DOK3: variants seen among roughly 807,000 people sequenced by gnomAD.
DOK3 encodes the protein Dok-like protein.
Under a neutral mutation model 26.2 loss-of-function variants are expected in DOK3, and 23 were observed. That is an observed-to-expected ratio of 0.88 (90% CI 0.63 to 1.24). The LOEUF is 1.24. Ranked by LOEUF, DOK3 falls within the 50% of genes most tolerant of loss-of-function variation. The pLI is 0.00. For synonymous variants in DOK3, 268 were observed against 268.2 expected (o/e 1.00, Z 0.01); for missense variants, 619 against 610.6 (o/e 1.01, Z -0.15).
At position 177,503,202 on chromosome 5, in the gene DOK3, A is replaced by C. The variant is rs1279085984; in HGVS notation, c.*781T>G. On this transcript the variant is annotated 3_prime_UTR_variant, in exon 6 of 6. Transcript: ENST00000510898. ...GGAACGCAGCATGGAAGTCTTCAGG[A>C]AACTTCTCTCCCCCTGGAATGTCGG... The C allele has an allele frequency of 6.4e-7, 1 of 1,551,484 alleles. No individual in the cohort carries two copies. The highest frequency in any genetic ancestry group is 2.0e-5 in the Admixed American group (1 of 50,970).
At chr5:177,510,023 T>TC (rs1318960119), upstream of DOK3, 13 of 855,988 alleles carry the variant, frequency 1.5e-5, no homozygotes, top group African/African-American at 1.9e-4. Context: ...CTCCCTGAAA[T>TC]CTCTCTCGTG....
chr5:177,506,508 A>G lies in DOK3; in HGVS notation c.373-1398T>C, dbSNP rs147195493. Among the ~76,000 whole-genome samples the G allele has an allele frequency of 2.5e-3, 349 of 142,232 alleles. 1 individual carries two copies. Among genetic ancestry groups the G allele is most frequent in the African/African-American group, 8.5e-3 (327 of 38,512 alleles). 93.3% of individuals were successfully genotyped at this position (142,232 alleles called of 152,430 possible). A position where few individuals can be genotyped will look rare whatever the true frequency, so the allele number is the denominator to read the frequency against. ...GCCACCACACCCAGCTAATTTTTGT[A>G]ATTTTTTTTTAGTAGAGATAGGGTT... On this transcript the variant is annotated intron_variant, in intron 3 of 5. Transcript: ENST00000510898.
In DOK3 at chr5:177,509,602, G is replaced by A. The variant is rs376828039; in HGVS notation, c.-62C>T. The A allele has an allele frequency of 1.7e-5, 27 of 1,599,434 alleles. No individual in the cohort carries two copies. The highest frequency in any genetic ancestry group is 2.8e-5 in the African/African-American group (2 of 72,168). ...TGGGGAGACTGATGACAGGCTGGAC[G>A]GGAACTCCTCACACTTCCCCTTCTG... On this transcript the variant is annotated 5_prime_UTR_variant, in exon 2 of 6. Transcript: ENST00000510898.
At position 177,505,029 on chromosome 5, in the gene DOK3, A is replaced by T; in HGVS notation, c.454T>A (p.Tyr152Asn). Residue 152 changes from tyrosine to asparagine, a missense_variant, in exon 4 of 6, where the codon TAC becomes AAC. Transcript: ENST00000510898. Reference protein sequence around the residue: ...GLVPMEENSIYSSWQEVGEFP... With the variant: ...GLVPMEENSINSSWQEVGEFP... The stretch of plus-strand genomic sequence containing the variant: ...AACTTACCTTCCTGCCAGGAGGAGT[A>T]GATGGAGTTTTCCTCCATGGGGACC... 6.2e-7 allele frequency: 1 copy of T among 1,611,144 alleles called. No homozygotes were observed. Among genetic ancestry groups the T allele is most frequent in the Non-Finnish European group, 8.5e-7 (1 of 1,178,666 alleles).
intron 3 of DOK3, among the ~76,000 whole-genome samples, chr5:177,506,685 CTTTTTTTTTTTTT>C (rs55649685): frequency 7.9e-5 from 6 of 75,916 alleles, no homozygotes; most frequent in Non-Finnish European, 1.5e-4. Flanking sequence ...TTTTTCTTTT[CTTTTTTTTTTTTT>C]TTTTTTTGAG....
rs745550393 is a variant in DOK3 at position 177,502,081 on chromosome 5, T to C, written c.*1902A>G. On this transcript the variant is annotated 3_prime_UTR_variant, in exon 6 of 6. Coordinates refer to ENST00000510898, the MANE Select transcript of DOK3 (RefSeq NM_001308236.3). ...GTAGAGGCTGGGAAGGAGATTGTTA[T>C]GAGGTAGGAGGAATAGCAAGTAACG... 6.6e-6 allele frequency: 1 copy of C among 152,174 alleles called. No homozygotes were observed. The highest frequency in any genetic ancestry group is 1.5e-5 in the Non-Finnish European group (1 of 68,068). The allele number at this position is 152,174 out of a possible 1,614,324, so 9.4% of individuals were successfully genotyped here.
rs1427052345 is a variant in DOK3 at position 177,509,295 on chromosome 5, CT to C, written c.66+179del. The C allele has an allele frequency of 1.1e-5, 8 of 722,620 alleles. No individual in the cohort carries two copies. In the East Asian group the frequency reaches 2.4e-4, roughly 22 times the overall value. 44.8% of individuals were successfully genotyped at this position (722,620 alleles called of 1,614,324 possible). On this transcript the variant is annotated intron_variant, in intron 2 of 5. Coordinates refer to ENST00000510898, the MANE Select transcript of DOK3 (RefSeq NM_001308236.3). Reference sequence around the variant, plus strand: ...GGGTCTGGCAGAGCCTGCTCAGCCCCTGCCGTCTCAGGCTGACACCCGCACT... The same window carrying C: ...GGGTCTGGCAGAGCCTGCTCAGCCCCGCCGTCTCAGGCTGACACCCGCACT...
Position 177,503,230 on chromosome 5 carries a change from C to T in DOK3, c.*753G>A. ...CTTCTCTCCCCCTGGAATGTCGGCTCCCGGAGAACAGGACCAAGGCTGTCC... is the reference window on the plus strand; with the variant it reads ...CTTCTCTCCCCCTGGAATGTCGGCTTCCGGAGAACAGGACCAAGGCTGTCC... On this transcript the variant is annotated 3_prime_UTR_variant, in exon 6 of 6. Coordinates refer to ENST00000510898, the MANE Select transcript of DOK3 (RefSeq NM_001308236.3). 3 of 1,551,570 alleles carry T rather than the reference C, an allele frequency of 1.9e-6. No homozygotes were observed. Among genetic ancestry groups the T allele is most frequent in the Middle Eastern group, 3.3e-4 (2 of 5,992 alleles).
Position 177,503,423 on chromosome 5 carries a change from A to C in DOK3, c.*560T>G. 1 of 1,518,830 alleles carries C rather than the reference A, an allele frequency of 6.6e-7. No homozygotes were observed. Among genetic ancestry groups the C allele is most frequent in the Non-Finnish European group, 8.9e-7 (1 of 1,124,990 alleles). The allele number at this position is 1,518,830 out of a possible 1,614,324, so 94.1% of individuals were successfully genotyped here. ...AATTGTTGGAGTTTCAGCAGGGAAC[A>C]AGTGTTTTGGACGAGGGTGTCTCTG... On this transcript the variant is annotated 3_prime_UTR_variant, in exon 6 of 6. Coordinates refer to ENST00000510898, the MANE Select transcript of DOK3 (RefSeq NM_001308236.3).
In DOK3 at chr5:177,503,118, C is replaced by A. The variant is rs368510520; in HGVS notation, c.*865G>T. On this transcript the variant is annotated 3_prime_UTR_variant, in exon 6 of 6. Coordinates refer to ENST00000510898, the MANE Select transcript of DOK3 (RefSeq NM_001308236.3). ...GGCTGGGCAGTCAGAGCCCTGGAGG[C>A]ATGACGCTTGCGTGCGTGGCTGGCT... is the stretch of plus-strand genomic sequence containing the variant. 7 of 1,551,438 alleles carry A rather than the reference C, an allele frequency of 4.5e-6. No individual in the cohort carries two copies. The highest frequency in any genetic ancestry group is 6.1e-6 in the Non-Finnish European group (7 of 1,146,866).
rs1159643642 is a variant in DOK3 at position 177,503,849 on chromosome 5, G to A, written c.*134C>T. 2 of 1,434,710 alleles carry A rather than the reference G, an allele frequency of 1.4e-6. No individual in the cohort carries two copies. The highest frequency in any genetic ancestry group is 1.8e-6 in the Non-Finnish European group (2 of 1,099,042). The allele number at this position is 1,434,710 out of a possible 1,614,324, so 88.9% of individuals were successfully genotyped here. A position where few individuals can be genotyped will look rare whatever the true frequency, so the allele number is the denominator to read the frequency against. On this transcript the variant is annotated 3_prime_UTR_variant, in exon 6 of 6. Transcript: ENST00000510898. ...CAGGGCAGGGCTGAGGTCCTCCACA[G>A]GCGGCCTGCCTTGTTCCTGCAGGCC...
At position 177,504,703 on chromosome 5, in the gene DOK3, G is replaced by C. The variant is rs747691308; in HGVS notation, c.645+40C>G. 6.7e-5 allele frequency: 108 copies of C among 1,613,832 alleles called. 8 individuals carry two copies. In the Middle Eastern group the frequency reaches 0.015, roughly 230 times the overall value. The stretch of plus-strand genomic sequence containing the variant: ...GGGTGGGGATTAGCAGGAGGGTCCA[G>C]GGTGTCAGCCCCTCACCCTTTCCCA... On this transcript the variant is annotated intron_variant, in intron 5 of 5. Coordinates refer to ENST00000510898, the MANE Select transcript of DOK3 (RefSeq NM_001308236.3).
rs1561714194 is a variant in DOK3 at position 177,503,359 on chromosome 5, T to A, written c.*624A>T. ...TCATCGGTTCTCTCTCCTTTACAGA[T>A]GAGGAGACTGACGCCTGGGGTTCCC... is the stretch of plus-strand genomic sequence containing the variant. On this transcript the variant is annotated 3_prime_UTR_variant, in exon 6 of 6. Coordinates refer to ENST00000510898, the MANE Select transcript of DOK3 (RefSeq NM_001308236.3). 1.3e-6 allele frequency: 2 copies of A among 1,544,286 alleles called. No individual in the cohort carries two copies. The highest frequency in any genetic ancestry group is 1.8e-6 in the Non-Finnish European group (2 of 1,140,708).
rs34005839 is a variant in DOK3, at chr5:177,509,530, A to G, written c.11T>C (p.Leu4Pro). 25 of 1,611,012 alleles carry G rather than the reference A, an allele frequency of 1.6e-5. No homozygotes were observed. Among genetic ancestry groups the G allele is most frequent in the Non-Finnish European group, 1.9e-5 (22 of 1,178,588 alleles). ...GATGCCATCCTTGATAGGGGTCTCC[A>G]GAGGGTCCATGGTCACGGCCAGGAG... MDPLETPIKDGILY... is the reference protein window; with the variant it reads MDPPETPIKDGILY... The change falls in exon 2 of 6, where the codon CTG becomes CCG. Residue 4 changes from leucine (L) to proline (P), a missense_variant. Coordinates refer to ENST00000510898, the MANE Select transcript of DOK3 (RefSeq NM_001308236.3).
In DOK3 at chr5:177,508,935, G is replaced by C. The variant is rs1196986050; in HGVS notation, c.67-393C>G. ...AGGCCAAGAGCTGGGGTGGGAGGGA[G>C]GCCTCTGCCTCAAGCTGTTAAGGAA... is the stretch of plus-strand genomic sequence containing the variant. On this transcript the variant is annotated intron_variant, in intron 2 of 5. Coordinates refer to ENST00000510898, the MANE Select transcript of DOK3 (RefSeq NM_001308236.3). The C allele has an allele frequency of 2.9e-5, 7 of 240,142 alleles. No homozygotes were observed. The Admixed American group carries it at 3.8e-4, about 13-fold the overall frequency. The allele number at this position is 240,142 out of a possible 1,614,324, so 14.9% of individuals were successfully genotyped here.
At chr5:177,507,360 G>A (rs571467364) in intron 3 of DOK3, among the ~76,000 whole-genome samples, 3 of 152,208 alleles carry the variant, frequency 2.0e-5, no homozygotes, top group African/African-American at 4.8e-5. Context: ...CTTGCGGACG[G>A]ACCACGTTTT....
In DOK3 at chr5:177,508,360, A is replaced by C. The variant is rs754060367; in HGVS notation, c.249T>G (p.Ala83=). The C allele has an allele frequency of 1.6e-5, 25 of 1,601,200 alleles. No individual in the cohort carries two copies. Among genetic ancestry groups the C allele is most frequent in the Non-Finnish European group, 1.8e-5 (21 of 1,178,794 alleles). Residue 83 remains alanine (A), a synonymous_variant, in exon 3 of 6, where the codon GCT becomes GCG. Transcript: ENST00000510898. ...RLADCVSVLP[A]DGESCPRDTG... ...TGTCCCGGGGGCAGCTCTCGCCGTC[A>C]GCCGGCAGCACGGACACACAGTCAG...
rs773865676 is a variant in DOK3, at chr5:177,505,115, G to A, written c.373-5C>T. On this transcript the variant is annotated splice_region_variant and splice_polypyrimidine_tract_variant and intron_variant, in intron 3 of 5. Transcript: ENST00000510898. ...TGAGGAGGCCTCCCCTGTCCCCTGG[G>A]GAATGAGTTCAAGTCAAAGGTGAGA... 1.9e-5 allele frequency: 31 copies of A among 1,601,200 alleles called. No homozygotes were observed. The highest frequency in any genetic ancestry group is 2.6e-5 in the Non-Finnish European group (31 of 1,174,516).
chr5:177,504,546 G>A lies in DOK3; in HGVS notation c.760C>T (p.Gln254Ter). The A allele has an allele frequency of 1.3e-6, 2 of 1,592,696 alleles. No homozygotes were observed. Among genetic ancestry groups the A allele is most frequent in the African/African-American group, 1.3e-5 (1 of 74,796 alleles). ...CRAVAGAIAR[Q>*]RERLPELTRP... is the part of the protein sequence containing the mutation. Reference sequence around the variant, plus strand: ...GTCAGCTCTGGCAGCCGCTCCCGCTGGCGGGCGATGGCCCCGGCCACAGCC... The same window carrying A: ...GTCAGCTCTGGCAGCCGCTCCCGCTAGCGGGCGATGGCCCCGGCCACAGCC... Residue 254 changes from glutamine to a stop codon, truncating the protein, a stop_gained, in exon 6 of 6, where the codon CAG (glutamine) becomes TAG (stop). Transcript: ENST00000510898. LOFTEE classifies it low-confidence loss of function (END_TRUNC).
Sources: gnomAD v4.1 joint callset for allele counts (sites outside exome capture counted in the v4.1 genomes callset) on GRCh38, gnomAD v4.1.1 for gene constraint, MANE v1.5 for transcripts, NCBI Gene and HGNC (gene_info 2026-07-23, HGNC 2026-07-21) for gene names.